Variants in DSE observed in about 807,000 individuals in gnomAD.
DSE encodes dermatan sulfate epimerase.
Under a neutral mutation model 84.4 loss-of-function variants are expected in DSE, and 36 were observed. The observed-to-expected ratio is 0.43, with a 90% CI of 0.33 to 0.56. The LOEUF is 0.56. DSE is among the 20% of genes least tolerant of loss of function. The probability of loss-of-function intolerance (pLI) is 0.06; values close to 1 mark genes in which losing one functional copy is unlikely to be tolerated. For synonymous variants in DSE, 410 were observed against 430.1 expected (o/e 0.95, Z 0.58); for missense variants, 862 against 1,169.6 (o/e 0.74, Z 3.84).
In DSE at chr6:116,399,201, C is replaced by A; in HGVS notation, c.-50C>A. The A allele has an allele frequency of 6.2e-7, 1 of 1,609,814 alleles. No individual in the cohort carries two copies. Among genetic ancestry groups the A allele is most frequent in the Non-Finnish European group, 8.5e-7 (1 of 1,179,564 alleles). The stretch of plus-strand genomic sequence containing the variant: ...TTTTCCTTTTTATCTCACGTAGGAT[C>A]TTTCGAAGATGGTTTGGCTGCCTTG... On this transcript the variant is annotated 5_prime_UTR_variant, in exon 2 of 6. Transcript: ENST00000644252.
At chr6:116,375,302 A>C (rs190138977) in intron 1 of DSE, among the ~76,000 whole-genome samples, 1 of 149,238 alleles carries the variant, frequency 6.7e-6, no homozygotes, top group Non-Finnish European at 1.5e-5. Flanking sequence ...TCTAATAGGA[A>C]ATATGCTTTT....
At chr6:116,278,797 G>A in intron 2 of DSE, 2 of 1,614,158 alleles carry the variant, frequency 1.2e-6, no homozygotes. Flanking sequence ...CACTCGGCCG[G>A]AGGATCTTAC....
At chr6:116,434,881 T>C (rs1784054507) in intron 5 of DSE, among the ~76,000 whole-genome samples, 1 of 152,158 alleles carries the variant, frequency 6.6e-6, no homozygotes, top group African/African-American at 2.4e-5. Flanking sequence ...TTATCATAAA[T>C]GAAAATAAGA....
intron 2 of DSE, among the ~76,000 whole-genome samples, chr6:116,405,088 T>C (rs1049839755): frequency 2.6e-5 from 4 of 151,438 alleles, no homozygotes; most frequent in Admixed American, 6.6e-5. Context: ...AAATAAAATA[T>C]AATTATAAAA....
chr6:116,301,817 G>C (rs937068221), intron 2 of DSE, among the ~76,000 whole-genome samples: 2 of 152,128 alleles, frequency 1.3e-5, no homozygotes, highest in African/African-American at 4.8e-5. Flanking sequence ...TCCGGTGTGT[G>C]ATGTTCCCCT....
chr6:116,306,563 C>A (rs1775359707), intron 2 of DSE, among the ~76,000 whole-genome samples: 1 of 152,166 alleles, frequency 6.6e-6, no homozygotes, highest in Admixed American at 6.5e-5. Context: ...TAAGCCCTCC[C>A]AGCTCTTCCA....
chr6:116,271,516 A>C (rs1772875815), intron 2 of DSE, among the ~76,000 whole-genome samples: 1 of 152,192 alleles, frequency 6.6e-6, no homozygotes, highest in Non-Finnish European at 1.5e-5. Context: ...AGGGAATGTC[A>C]ATCCTATTTA....
chr6:116,370,081 C>T, upstream of DSE: 1 of 645,962 alleles, frequency 1.5e-6, no homozygotes, highest in South Asian at 1.8e-5. Flanking sequence ...CCTGGCTGAG[C>T]GTGTTTGAGC....
chr6:116,315,576 C>A (rs1321546018), intron 2 of DSE, among the ~76,000 whole-genome samples: 1 of 151,940 alleles, frequency 6.6e-6, no homozygotes, highest in Non-Finnish European at 1.5e-5. Context: ...GGAATTGGTC[C>A]CAGGTTGTTT....
intron 2 of DSE, among the ~76,000 whole-genome samples, chr6:116,284,969 G>T (rs1271535076): frequency 6.6e-5 from 10 of 152,078 alleles, no homozygotes; most frequent in Middle Eastern, 3.4e-3. Flanking sequence ...GAATAATGCC[G>T]CAATAAACAT....
chr6:116,406,859 C>T (rs1215408855), intron 2 of DSE, among the ~76,000 whole-genome samples: 1 of 152,136 alleles, frequency 6.6e-6, no homozygotes, highest in East Asian at 1.9e-4. Flanking sequence ...CAGATCATTG[C>T]TTATCCCACA....
At chr6:116,257,585 T>C (rs765027992) in intron 1 of DSE, among the ~76,000 whole-genome samples, 44 of 152,194 alleles carry the variant, frequency 2.9e-4, no homozygotes, top group Non-Finnish European at 6.0e-4. Flanking sequence ...GGCTGGGAAT[T>C]CCAAGATCAA....
chr6:116,374,253 A>C (rs1162338716), intron 1 of DSE, among the ~76,000 whole-genome samples: 1 of 152,206 alleles, frequency 6.6e-6, no homozygotes, highest in African/African-American at 2.4e-5. Flanking sequence ...TTGAATCATA[A>C]ATATAGTAAA....
intron 2 of DSE, among the ~76,000 whole-genome samples, chr6:116,264,659 G>T (rs1003101488): frequency 3.3e-5 from 5 of 152,150 alleles, no homozygotes; most frequent in Admixed American, 3.3e-4. Flanking sequence ...GGCTTTTTGA[G>T]TTGTCAGGGT....
chr6:116,362,766 C>A (rs1208790686), intron 2 of DSE, among the ~76,000 whole-genome samples: 2 of 152,172 alleles, frequency 1.3e-5, no homozygotes, highest in African/African-American at 2.4e-5. Flanking sequence ...TAGGCCACAT[C>A]CCCCAGAAAT....
chr6:116,360,396 GAAAA>G lies in DSE; in HGVS notation c.-53-38798_-53-38795del, dbSNP rs1459962415. Among the ~76,000 whole-genome samples the G allele has an allele frequency of 1.3e-5, 2 of 152,108 alleles. 1 individual carries two copies. The highest frequency in any genetic ancestry group is 4.2e-4 in the South Asian group (2 of 4,814). ...GAATATTTATCTGCATCTGCATCTGGAAAAAAAGTCATATCTTGACATGTATTTT... is the reference window on the plus strand; with the variant it reads ...GAATATTTATCTGCATCTGCATCTGGAAAGTCATATCTTGACATGTATTTT... On this transcript the variant is annotated intron_variant, in intron 2 of 3. Transcript: ENST00000430252.
At chr6:116,300,618 A>G (rs1465481946) in intron 2 of DSE, among the ~76,000 whole-genome samples, 1 of 152,228 alleles carries the variant, frequency 6.6e-6, no homozygotes, top group East Asian at 1.9e-4. Flanking sequence ...CAGGCAATCA[A>G]GTCTAATGGG....
intron 2 of DSE, among the ~76,000 whole-genome samples, chr6:116,338,762 A>G (rs1362233879): frequency 6.6e-6 from 1 of 152,074 alleles, no homozygotes; most frequent in South Asian, 2.1e-4. Context: ...AGCTTTTTCC[A>G]TTTTCCAGTC....
intron 2 of DSE, among the ~76,000 whole-genome samples, chr6:116,316,882 T>G (rs1776015519): frequency 6.8e-6 from 1 of 147,592 alleles, no homozygotes; most frequent in Non-Finnish European, 1.5e-5. Flanking sequence ...TAATGTGCTG[T>G]GCAGGTACCT....
Sources: allele counts gnomAD v4.1 joint callset (sites outside exome capture counted in the v4.1 genomes callset), GRCh38; gene constraint gnomAD v4.1.1; transcripts MANE v1.5; gene names NCBI Gene and HGNC (gene_info 2026-07-23, HGNC 2026-07-21).